The following EPHA7 variants were observed in gnomAD, a reference collection of about 807,000 sequenced individuals.
The protein encoded by EPHA7 is EPH receptor A7.
A neutral mutation model predicts 112.6 loss-of-function variants in EPHA7; 25 were observed. The observed-to-expected ratio is 0.22, with a 90% confidence interval of 0.16 to 0.31. EPHA7 has a LOEUF of 0.31. Ranked by LOEUF, EPHA7 falls within the 10% of genes least tolerant of loss-of-function variation. EPHA7 has a pLI of 1.00. For synonymous variants in EPHA7, 437 were observed against 406.5 expected, an observed-to-expected ratio of 1.07 and a Z score of -0.90; for missense variants, 962 against 1,212.6, an observed-to-expected ratio of 0.79 and a Z score of 3.07.
At chr6:93,312,320 T>C (rs1175434826) in intron 5 of EPHA7, among the ~76,000 whole-genome samples, 1 of 152,206 alleles carries the variant, frequency 6.6e-6, no homozygotes, top group Non-Finnish European at 1.5e-5. Flanking sequence ...TCATCAATTA[T>C]CTTAGCTAGA....
At chr6:93,386,543 T>A (rs565193028) in intron 3 of EPHA7, among the ~76,000 whole-genome samples, 3 of 152,172 alleles carry the variant, frequency 2.0e-5, no homozygotes, top group Non-Finnish European at 4.4e-5. Flanking sequence ...TGTAAGCTGT[T>A]CATGGATATT....
chr6:93,302,067 C>G (rs184057501), intron 5 of EPHA7, among the ~76,000 whole-genome samples: 30 of 152,286 alleles, frequency 2.0e-4, no homozygotes, highest in African/African-American at 6.3e-4. Flanking sequence ...CTTACCGTCA[C>G]TGGGCCGGAA....
At chr6:93,398,002 T>G (rs1582666599) in intron 3 of EPHA7, among the ~76,000 whole-genome samples, 1 of 151,830 alleles carries the variant, frequency 6.6e-6, no homozygotes, top group Non-Finnish European at 1.5e-5. Flanking sequence ...AGATCTAACA[T>G]ATAGTTTTTG....
intron 3 of EPHA7, among the ~76,000 whole-genome samples, chr6:93,406,017 T>C (rs191993093): frequency 2.2e-4 from 33 of 150,406 alleles, no homozygotes; most frequent in Admixed American, 4.7e-4. Context: ...TTTCATTTGT[T>C]AAATTATACA....
Position 93,263,851 on chromosome 6 carries a change from A to C in EPHA7, c.1798+9T>G. On this transcript the variant is annotated intron_variant, in intron 9 of 16. Transcript: ENST00000369303. ...GGTACATCATAATAAAGAAAAGCCA[A>C]ACACTTACAATGAAAGTAAAGCTCT... is the stretch of plus-strand genomic sequence containing the variant. 1 of 1,608,074 alleles carries C rather than the reference A, an allele frequency of 6.2e-7. No homozygotes were observed. The highest frequency in any genetic ancestry group is 8.5e-7 in the Non-Finnish European group (1 of 1,176,342).
At chr6:93,305,252 G>C (rs1200187782) in intron 5 of EPHA7, among the ~76,000 whole-genome samples, 2 of 151,142 alleles carry the variant, frequency 1.3e-5, no homozygotes, top group African/African-American at 4.9e-5. Flanking sequence ...GATTAAGCAG[G>C]GTGAACAGTA....
At chr6:93,407,583 GCA>G (rs1778782355) in intron 3 of EPHA7, among the ~76,000 whole-genome samples, 1 of 151,952 alleles carries the variant, frequency 6.6e-6, no homozygotes, top group African/African-American at 2.4e-5. Flanking sequence ...TTATAACAAC[GCA>G]CACATATTCT....
chr6:93,410,350 C>G lies in EPHA7; in HGVS notation c.832+151G>C. On this transcript the variant is annotated intron_variant, in intron 3 of 16. Transcript: ENST00000369303. The surrounding 1 kb of genome is among the most constrained non-coding windows in gnomAD (Gnocchi z 4.0). ...TGCAGATGCTACTGTAGGGCAATCA[C>G]TAAGTTCAACGGTGACTTTGTTTAA... The G allele has an allele frequency of 1.5e-6, 1 of 672,318 alleles. No individual in the cohort carries two copies. Among genetic ancestry groups the G allele is most frequent in the East Asian group, 2.7e-5 (1 of 37,474 alleles). The allele number at this position is 672,318 out of a possible 1,614,324, so 41.6% of individuals were successfully genotyped here.
intron 3 of EPHA7, among the ~76,000 whole-genome samples, chr6:93,395,163 G>T (rs1778104889): frequency 6.6e-6 from 1 of 151,690 alleles, no homozygotes; most frequent in African/African-American, 2.4e-5. Flanking sequence ...GATTTTAACA[G>T]AATTACTAAC....
At chr6:93,378,620 C>T (rs1369840170) in intron 3 of EPHA7, among the ~76,000 whole-genome samples, 2 of 151,992 alleles carry the variant, frequency 1.3e-5, no homozygotes, top group African/African-American at 4.8e-5. Flanking sequence ...ACTTAAAATG[C>T]AATTTGATTT....
chr6:93,329,368 TA>T (rs1485866980), intron 5 of EPHA7, among the ~76,000 whole-genome samples: 5 of 151,474 alleles, frequency 3.3e-5, no homozygotes, highest in Non-Finnish European at 7.4e-5. Context: ...AAGCTTTTGT[TA>T]ATTAGTATAT....
At chr6:93,253,172 G>C (rs1770291180) in intron 14 of EPHA7, among the ~76,000 whole-genome samples, 1 of 151,882 alleles carries the variant, frequency 6.6e-6, no homozygotes, top group Non-Finnish European at 1.5e-5. Flanking sequence ...CTAAGGATTT[G>C]TTTGTCCAAA....
intron 13 of EPHA7, 32 bp from the exon 14 acceptor site, chr6:93,254,828 T>C (rs1434120947): frequency 2.5e-6 from 4 of 1,572,676 alleles, no homozygotes; most frequent in Non-Finnish European, 1.7e-6. Context: ...ATTTTAAATA[T>C]GTATAATAAC....
chr6:93,322,101 G>T (rs1202971630), intron 5 of EPHA7, among the ~76,000 whole-genome samples: 1 of 151,632 alleles, frequency 6.6e-6, no homozygotes, highest in Non-Finnish European at 1.5e-5. Context: ...AAGCACACAG[G>T]CTTTCACACT....
intron 5 of EPHA7, among the ~76,000 whole-genome samples, chr6:93,302,993 A>G (rs965039088): frequency 7.2e-5 from 11 of 152,160 alleles, no homozygotes; most frequent in Admixed American, 3.9e-4. Flanking sequence ...CTGCAGGGGT[A>G]AAGACCTGCC....
In EPHA7 at chr6:93,268,079, A is replaced by G. The variant is rs140031659; in HGVS notation, c.1633+1398T>C. 4.2e-3 allele frequency among the ~76,000 whole-genome samples: 633 copies of G among 151,746 alleles called. 3 individuals are homozygous for G. The highest frequency in any genetic ancestry group is 7.3e-3 in the Middle Eastern group (2 of 274). On this transcript the variant is annotated intron_variant, in intron 7 of 16. Transcript: ENST00000369303. ...TGAAATCTTAACTTAAAATGCTTTAATGTTTTGGGGGACACTAAACTTTGA... is the reference window on the plus strand; with the variant it reads ...TGAAATCTTAACTTAAAATGCTTTAGTGTTTTGGGGGACACTAAACTTTGA...
chr6:93,337,119 T>C (rs975668670), intron 5 of EPHA7, among the ~76,000 whole-genome samples: 3 of 152,170 alleles, frequency 2.0e-5, no homozygotes, highest in African/African-American at 7.2e-5. Context: ...GAAGAGAATA[T>C]TGCTGCTGTG....
At chr6:93,289,095 C>T (rs979277223) in intron 5 of EPHA7, among the ~76,000 whole-genome samples, 1 of 151,234 alleles carries the variant, frequency 6.6e-6, no homozygotes, top group Non-Finnish European at 1.5e-5. Context: ...AGCTTTTTTT[C>T]CCCCCATATA....
At chr6:93,379,512 C>G (rs996141737) in intron 3 of EPHA7, among the ~76,000 whole-genome samples, 1 of 151,804 alleles carries the variant, frequency 6.6e-6, no homozygotes, top group African/African-American at 2.4e-5. Context: ...CGATATGTAA[C>G]AATAACTTTT....
Sources: gnomAD v4.1 joint callset for allele counts (sites outside exome capture counted in the v4.1 genomes callset) on GRCh38, gnomAD v4.1.1 for gene constraint, Gnocchi (gnomAD v3.1) non-coding constraint, MANE v1.5 for transcripts, NCBI Gene and HGNC (gene_info 2026-07-23, HGNC 2026-07-21) for gene names.